Variants in VPS13B observed in about 807,000 individuals in gnomAD.
The protein encoded by VPS13B is vacuolar protein sorting 13 homolog B.
VPS13B carries 285 observed loss-of-function variants against 426.4 expected under a neutral mutation model. The ratio of observed to expected loss-of-function variants is 0.67; its 90% CI spans 0.61 to 0.74. The LOEUF (loss-of-function observed/expected upper bound fraction) is 0.74, where lower values mean the gene tolerates loss of function less well. VPS13B is among the 30% of genes least tolerant of loss of function. VPS13B has a pLI of 0.00. For synonymous variants in VPS13B, 1,676 were observed against 1,676.4 expected (o/e 1.00, Z 0.01); for missense variants, 4,537 against 4,782.6 (o/e 0.95, Z 1.51).
intron 39 of VPS13B, among the ~76,000 whole-genome samples, chr8:99,732,102 C>G (rs960667525): frequency 2.0e-5 from 3 of 152,184 alleles, no homozygotes; most frequent in Non-Finnish European, 4.4e-5. Context: ...ACATAAGAGA[C>G]ACTGCTGGGG....
chr8:99,286,739 G>T (rs971143651), intron 19 of VPS13B, among the ~76,000 whole-genome samples: 4 of 152,244 alleles, frequency 2.6e-5, no homozygotes, highest in African/African-American at 9.6e-5. Flanking sequence ...TTTCCTAAGA[G>T]GCTTGCTAAA....
chr8:99,838,679 T>G (rs988529240), intron 54 of VPS13B, among the ~76,000 whole-genome samples: 13 of 152,200 alleles, frequency 8.5e-5, no homozygotes, highest in Admixed American at 8.5e-4. Flanking sequence ...AGCAAGTAAT[T>G]GCACGGGTAG....
At chr8:99,454,495 A>G (rs555943081) in intron 23 of VPS13B, among the ~76,000 whole-genome samples, 70 of 152,244 alleles carry the variant, frequency 4.6e-4, no homozygotes, top group Admixed American at 1.1e-3. Flanking sequence ...TTGTGCTAAT[A>G]TTTAATTGTC....
chr8:99,013,729 G>T, intron 1 of VPS13B, 31 bp from the exon 2 acceptor site: 1 of 1,607,656 alleles, frequency 6.2e-7, no homozygotes, highest in South Asian at 1.1e-5. Flanking sequence ...CTCTACCGCC[G>T]ACTTCTAACG....
At chr8:99,340,649 TC>T in intron 19 of VPS13B, 1 of 415,114 alleles carries the variant, frequency 2.4e-6, no homozygotes, top group South Asian at 2.0e-5. Context: ...AGCACTTTCT[TC>T]CTTGCTAGGA....
chr8:99,013,699 AACGAACGCTCTTTCCTTC>A, intron 1 of VPS13B, 43 bp from the exon 2 acceptor site: 1 of 1,531,168 alleles, frequency 6.5e-7, no homozygotes, highest in Non-Finnish European at 9.0e-7. Flanking sequence ...GGCCTGAGAT[AACGAACGCTCTTTCCTTC>A]ACTCTACCGC....
chr8:99,537,682 A>G (rs1048592103), intron 30 of VPS13B, among the ~76,000 whole-genome samples: 1 of 152,212 alleles, frequency 6.6e-6, no homozygotes, highest in African/African-American at 2.4e-5. Context: ...AAGGATAAGT[A>G]GAGTGTTTCC....
chr8:99,196,469 T>G (rs1222974392), intron 17 of VPS13B, among the ~76,000 whole-genome samples: 1 of 144,094 alleles, frequency 6.9e-6, no homozygotes, highest in Non-Finnish European at 1.5e-5. Context: ...CTTTAGGGGT[T>G]TTTTTTTTTT....
chr8:99,326,823 C>T (rs545871509), intron 19 of VPS13B, among the ~76,000 whole-genome samples: 34 of 152,010 alleles, frequency 2.2e-4, no homozygotes, highest in Non-Finnish European at 4.7e-4. Flanking sequence ...AATAAATGGC[C>T]TCTTACTACT....
At chr8:99,580,420 T>C (rs1468601556) in intron 33 of VPS13B, among the ~76,000 whole-genome samples, 1 of 151,592 alleles carries the variant, frequency 6.6e-6, no homozygotes, top group South Asian at 2.1e-4. Flanking sequence ...GTTGAACTCC[T>C]GGCCTCAAGG....
intron 17 of VPS13B, among the ~76,000 whole-genome samples, chr8:99,212,417 A>T (rs550844930): frequency 6.6e-6 from 1 of 152,340 alleles, no homozygotes; most frequent in South Asian, 2.1e-4. Context: ...CATCAGACAA[A>T]TAGGCTCTTT....
intron 3 of VPS13B, among the ~76,000 whole-genome samples, chr8:99,087,821 C>T (rs1845917024): frequency 6.6e-6 from 1 of 151,948 alleles, no homozygotes; most frequent in Admixed American, 6.6e-5. Context: ...TTCTAGTACA[C>T]ATTCAGCTTT....
rs959755984 is a variant in VPS13B, at chr8:99,852,836, A to G, written c.10062-615A>G. Among the ~76,000 whole-genome samples, 7 of 152,140 alleles carry G rather than the reference A, an allele frequency of 4.6e-5. 1 individual carries two copies. Among genetic ancestry groups the G allele is most frequent in the Admixed American group, 1.3e-4 (2 of 15,274 alleles). ...GGGATTTTTTGAGCTGAGAGATGACAGCATGTTTACAAGCTGCTAGTAATG... is the reference window on the plus strand; with the variant it reads ...GGGATTTTTTGAGCTGAGAGATGACGGCATGTTTACAAGCTGCTAGTAATG... On this transcript the variant is annotated intron_variant, in intron 55 of 61. Transcript: ENST00000357162.
intron 17 of VPS13B, among the ~76,000 whole-genome samples, chr8:99,211,150 T>C (rs1468142588): frequency 5.9e-5 from 9 of 152,122 alleles, no homozygotes; most frequent in African/African-American, 2.2e-4. Flanking sequence ...GAAATTTTCT[T>C]ATAGGAATGA....
intron 7 of VPS13B, among the ~76,000 whole-genome samples, chr8:99,118,055 A>G (rs1485843548): frequency 6.6e-6 from 1 of 152,210 alleles, no homozygotes; most frequent in Non-Finnish European, 1.5e-5. Context: ...TTTTTGTTAG[A>G]CAATGCATTG....
intron 3 of VPS13B, among the ~76,000 whole-genome samples, chr8:99,067,504 G>A (rs867744408): frequency 1.3e-5 from 2 of 151,988 alleles, no homozygotes; most frequent in African/African-American, 4.8e-5. Context: ...GATGTGGGGG[G>A]CAGGGGGAGG....
chr8:99,344,817 T>G (rs1437143439), intron 19 of VPS13B, among the ~76,000 whole-genome samples: 2 of 152,164 alleles, frequency 1.3e-5, no homozygotes, highest in African/African-American at 4.8e-5. Context: ...GCTTTCCAAT[T>G]TTTTATATAA....
At chr8:99,689,694 T>G (rs904711114) in intron 35 of VPS13B, among the ~76,000 whole-genome samples, 1 of 152,166 alleles carries the variant, frequency 6.6e-6, no homozygotes, top group Admixed American at 6.5e-5. Context: ...GCCAGAGTTA[T>G]AAATAGTTTT....
intron 8 of VPS13B, among the ~76,000 whole-genome samples, chr8:99,128,335 C>T (rs530110144): frequency 1.4e-4 from 17 of 117,806 alleles, no homozygotes; most frequent in Non-Finnish European, 2.3e-4. Flanking sequence ...TGCAGTGAGC[C>T]AATATCGTGC....
Sources: gnomAD v4.1 joint callset for allele counts (sites outside exome capture counted in the v4.1 genomes callset) on GRCh38, gnomAD v4.1.1 for gene constraint, MANE v1.5 for transcripts, NCBI Gene and HGNC (gene_info 2026-07-23, HGNC 2026-07-21) for gene names.